The following RUFY3 variants were observed in gnomAD, a reference collection of about 807,000 sequenced individuals.
The protein encoded by RUFY3 is protein RUFY3.
Under a neutral mutation model 84.0 loss-of-function variants are expected in RUFY3, and 34 were observed. That is an observed-to-expected ratio of 0.40 (90% CI 0.31 to 0.54). RUFY3 has a LOEUF of 0.54. RUFY3 is among the 20% of genes least tolerant of loss of function. RUFY3 has a pLI of 0.39. For synonymous variants in RUFY3, 242 were observed against 252.9 expected (o/e 0.96, Z 0.41); for missense variants, 507 against 736.8 (o/e 0.69, Z 3.61).
At chr4:70,724,047 G>A (rs1412687650) in intron 1 of RUFY3, among the ~76,000 whole-genome samples, 2 of 152,168 alleles carry the variant, frequency 1.3e-5, no homozygotes, top group Non-Finnish European at 2.9e-5. Context: ...TAATTAGACA[G>A]CTTTCTTTGG....
chr4:70,784,751 T>G, intron 9 of RUFY3, 45 bp from the exon 10 acceptor site: 1 of 1,368,084 alleles, frequency 7.3e-7, no homozygotes, highest in Non-Finnish European at 1.0e-6. Context: ...TAATTCTGTA[T>G]AGATTAAATC....
At chr4:70,729,601 G>A (rs1718883443) in intron 1 of RUFY3, among the ~76,000 whole-genome samples, 1 of 152,120 alleles carries the variant, frequency 6.6e-6, no homozygotes, top group Non-Finnish European at 1.5e-5. Context: ...AACTACTTCA[G>A]AGGTTAGGAG....
At chr4:70,768,409 C>A in intron 4 of RUFY3, 129 bp from the exon 5 acceptor site, 2 of 693,292 alleles carry the variant, frequency 2.9e-6, no homozygotes, top group South Asian at 3.5e-5. Context: ...TTTTTTTTTA[C>A]TATTTTTGTA....
At chr4:70,763,033 C>T (rs1578127021) in intron 2 of RUFY3, among the ~76,000 whole-genome samples, 1 of 152,192 alleles carries the variant, frequency 6.6e-6, no homozygotes, top group African/African-American at 2.4e-5. Context: ...GGTGCTAGAA[C>T]TCAGGTCTCC....
chr4:70,788,663 C>T (rs1730309087), intron 10 of RUFY3, 143 bp from the exon 11 acceptor site: 2 of 691,004 alleles, frequency 2.9e-6, no homozygotes, highest in Admixed American at 3.0e-5. Flanking sequence ...TTGTTAATGT[C>T]TCTGAAAATG....
intron 1 of RUFY3, chr4:70,734,659 A>G (rs1719994735): frequency 1.5e-6 from 1 of 668,790 alleles, no homozygotes. Flanking sequence ...AAATATCAGT[A>G]GCTCTGTACT....
chr4:70,783,163 A>G lies in RUFY3; in HGVS notation c.967A>G (p.Ile323Val). 1.2e-6 allele frequency: 2 copies of G among 1,602,748 alleles called. No individual in the cohort carries two copies. The highest frequency in any genetic ancestry group is 1.7e-6 in the Non-Finnish European group (2 of 1,169,992). Reference protein sequence around the residue: ...MERVKEESSYILESNRKGPKQ... With the variant: ...MERVKEESSYVLESNRKGPKQ... The stretch of plus-strand genomic sequence containing the variant: ...ACGAGTTAAAGAGGAAAGTTCCTAC[A>G]TACTGGAATCCAATCGGAAGGTTAA... The change falls in exon 9 of 18, where the codon ATA becomes GTA. Residue 323 changes from isoleucine to valine, a missense_variant. By Grantham distance (29) the Ile-to-Val change is conservative. This residue lies in a region of RUFY3 where 334 missense variants were observed against 364.1 expected (regional missense o/e 0.92). Transcript: ENST00000381006.
intron 1 of RUFY3, among the ~76,000 whole-genome samples, chr4:70,740,450 A>G (rs998048630): frequency 6.6e-6 from 1 of 152,216 alleles, no homozygotes; most frequent in Non-Finnish European, 1.5e-5. Flanking sequence ...GCCTTTTTCT[A>G]TACAAATCTT....
intron 15 of RUFY3, among the ~76,000 whole-genome samples, chr4:70,802,473 T>C (rs1386901606): frequency 2.6e-5 from 4 of 152,236 alleles, no homozygotes; most frequent in Non-Finnish European, 5.9e-5. Flanking sequence ...ATGGGTTTTC[T>C]GGTGACAGTC....
intron 1 of RUFY3, among the ~76,000 whole-genome samples, chr4:70,706,520 TAAGAG>T (rs368783440): frequency 6.6e-6 from 1 of 152,220 alleles, no homozygotes; most frequent in African/African-American, 2.4e-5. Context: ...AGTAACAGCT[TAAGAG>T]AAGGAATGCA....
intron 16 of RUFY3, among the ~76,000 whole-genome samples, chr4:70,803,659 G>A (rs560637854): frequency 6.6e-6 from 1 of 151,896 alleles, no homozygotes; most frequent in Admixed American, 6.6e-5. Flanking sequence ...TGATCTTCCC[G>A]CCTTGGCCTC....
At chr4:70,712,074 G>A (rs975916792) in intron 1 of RUFY3, among the ~76,000 whole-genome samples, 4 of 152,094 alleles carry the variant, frequency 2.6e-5, no homozygotes, top group African/African-American at 9.7e-5. Context: ...CTCATTCTTT[G>A]TAGACAGAGT....
intron 1 of RUFY3, among the ~76,000 whole-genome samples, chr4:70,709,515 A>G (rs907937805): frequency 3.9e-5 from 6 of 152,090 alleles, no homozygotes; most frequent in Admixed American, 2.0e-4. Context: ...GTATGTTTTT[A>G]TATTTCGTGG....
chr4:70,784,374 T>G (rs1729437348), intron 9 of RUFY3, among the ~76,000 whole-genome samples: 1 of 151,942 alleles, frequency 6.6e-6, no homozygotes, highest in South Asian at 2.1e-4. Context: ...TCCCAGCTAC[T>G]CGGGAAGCTG....
intron 1 of RUFY3, among the ~76,000 whole-genome samples, chr4:70,740,293 C>T (rs569679730): frequency 1.3e-5 from 2 of 152,164 alleles, no homozygotes; most frequent in African/African-American, 4.8e-5. Context: ...CACTCTGATA[C>T]TTAAAACTTT....
chr4:70,731,556 A>G (rs1162668789), intron 1 of RUFY3, among the ~76,000 whole-genome samples: 1 of 152,260 alleles, frequency 6.6e-6, no homozygotes, highest in South Asian at 2.1e-4. Flanking sequence ...AAAAGCAATA[A>G]GAAAAGCAGT....
intron 1 of RUFY3, among the ~76,000 whole-genome samples, chr4:70,761,100 A>G (rs1365968133): frequency 6.6e-6 from 1 of 152,202 alleles, no homozygotes; most frequent in African/African-American, 2.4e-5. Context: ...TAGTCTTCCT[A>G]AGAAGAAATG....
intron 1 of RUFY3, among the ~76,000 whole-genome samples, chr4:70,753,727 A>ATATACC (rs1723509182): frequency 1.3e-5 from 2 of 152,310 alleles, no homozygotes; most frequent in Admixed American, 1.3e-4. Flanking sequence ...CAAACAGAAC[A>ATATACC]TGTCATTTCT....
At chr4:70,781,485 A>T (rs1395942923) in intron 8 of RUFY3, among the ~76,000 whole-genome samples, 1 of 152,190 alleles carries the variant, frequency 6.6e-6, no homozygotes, top group Non-Finnish European at 1.5e-5. Flanking sequence ...TCTCAAATAA[A>T]TAAATAGATA....
Sources: allele counts gnomAD v4.1 joint callset (sites outside exome capture counted in the v4.1 genomes callset), GRCh38; gene constraint gnomAD v4.1.1; regional missense constraint gnomAD v4.1.1; transcripts MANE v1.5; gene names NCBI Gene and HGNC (gene_info 2026-07-23, HGNC 2026-07-21).